The following GUCY2C variants were observed in gnomAD, a reference collection of about 807,000 sequenced individuals.
GUCY2C encodes guanylyl cyclase C.
In GUCY2C, 118 loss-of-function variants were observed where a neutral mutation model predicts 131.1. That is an observed-to-expected ratio of 0.90 (90% CI 0.78 to 1.05). GUCY2C has a LOEUF of 1.05. Ranked by LOEUF, GUCY2C falls within the 50% of genes least tolerant of loss-of-function variation. GUCY2C has a pLI of 0.00. For synonymous variants in GUCY2C, 452 were observed against 457.8 expected (o/e 0.99, Z 0.16); for missense variants, 1,161 against 1,304.4 (o/e 0.89, Z 1.69).
chr12:14,631,480 G>A (rs899563747), intron 19 of GUCY2C, among the ~76,000 whole-genome samples: 11 of 151,654 alleles, frequency 7.3e-5, no homozygotes, highest in Non-Finnish European at 1.2e-4. Context: ...AACATGCGGT[G>A]TTTGGTTTTT....
At chr12:14,667,612 A>T (rs1157684019) in intron 10 of GUCY2C, among the ~76,000 whole-genome samples, 1 of 152,208 alleles carries the variant, frequency 6.6e-6, no homozygotes, top group Non-Finnish European at 1.5e-5. Context: ...TGTTCCCTTT[A>T]TATCAGATCA....
chr12:14,687,848 G>T, intron 2 of GUCY2C, 103 bp downstream of exon 2: 1 of 702,018 alleles, frequency 1.4e-6, no homozygotes, highest in Non-Finnish European at 2.6e-6. Context: ...TATGTGGCTA[G>T]AGATGATGGG....
intron 15 of GUCY2C, among the ~76,000 whole-genome samples, chr12:14,650,505 T>C (rs12308291): frequency 0.99 from 150,602 of 152,304 alleles, 74,475 homozygotes; most frequent in Middle Eastern, 1. Context: ...CTCGGCCTCC[T>C]AAAGTGCTGG....
intron 1 of GUCY2C, among the ~76,000 whole-genome samples, chr12:14,694,954 C>T (rs1199403800): frequency 1.3e-5 from 2 of 152,162 alleles, no homozygotes; most frequent in African/African-American, 4.8e-5. Flanking sequence ...AAATATCCTA[C>T]ATCAGAGAAT....
rs569719610 is a variant in GUCY2C at position 14,642,761 on chromosome 12, A to C, written c.1930+813T>G. On this transcript the variant is annotated intron_variant, in intron 17 of 26. Coordinates refer to ENST00000261170, the MANE Select transcript of GUCY2C (RefSeq NM_004963.4). ...GATTTGTACTACTATGTCATGAACC[A>C]GGCTTGGCACAGGTCTTCAATAAGA... 9.8e-5 allele frequency among the ~76,000 whole-genome samples: 15 copies of C among 152,334 alleles called. No homozygotes were observed. The East Asian group carries it at 1.9e-3, about 20-fold the overall frequency.
chr12:14,686,303 A>G, intron 2 of GUCY2C, 78 bp from the exon 3 acceptor site: 1 of 1,011,244 alleles, frequency 9.9e-7, no homozygotes, highest in Non-Finnish European at 1.5e-6. Context: ...AGCAAGGGGA[A>G]GGCTCCCAGA....
At chr12:14,681,001 T>C (rs1948337242) in intron 5 of GUCY2C, among the ~76,000 whole-genome samples, 1 of 152,116 alleles carries the variant, frequency 6.6e-6, no homozygotes, top group Non-Finnish European at 1.5e-5. Context: ...TGTGTGAAGA[T>C]TGGTCACAAA....
chr12:14,647,540 A>G (rs1947546957), intron 15 of GUCY2C, among the ~76,000 whole-genome samples: 1 of 152,182 alleles, frequency 6.6e-6, no homozygotes, highest in Non-Finnish European at 1.5e-5. Flanking sequence ...GAATGATTTC[A>G]GCTTCCAAAA....
chr12:14,648,524 C>A (rs1194677044), intron 15 of GUCY2C, among the ~76,000 whole-genome samples: 2 of 152,212 alleles, frequency 1.3e-5, no homozygotes, highest in African/African-American at 4.8e-5. Flanking sequence ...ACTGCCTGTC[C>A]AACCTCTGAC....
At chr12:14,655,028 TAAAG>T (rs1645828812) in intron 12 of GUCY2C, among the ~76,000 whole-genome samples, 1 of 152,202 alleles carries the variant, frequency 6.6e-6, no homozygotes, top group Non-Finnish European at 1.5e-5. Context: ...CATGCCCAAA[TAAAG>T]CAAATGCCTA....
chr12:14,696,531 G>A lies in GUCY2C; in HGVS notation c.-83C>T. ...TCCTAGGGAGGCAGGGAATCCAGAT[G>A]GACAGCCTCTAGTGGAGTCCCTCAG... On this transcript the variant is annotated 5_prime_UTR_variant, in exon 1 of 27. Coordinates refer to ENST00000261170, the MANE Select transcript of GUCY2C (RefSeq NM_004963.4). 1 of 1,024,114 alleles carries A rather than the reference G, an allele frequency of 9.8e-7. No individual in the cohort carries two copies. Among genetic ancestry groups the A allele is most frequent in the East Asian group, 2.5e-5 (1 of 40,052 alleles). 63.4% of individuals were successfully genotyped at this position (1,024,114 alleles called of 1,614,324 possible).
chr12:14,665,221 AAAAAAAAAAAAAAAAAGCTAAGG>A (rs1391067482), intron 10 of GUCY2C, among the ~76,000 whole-genome samples: 1 of 151,026 alleles, frequency 6.6e-6, no homozygotes, highest in Admixed American at 6.6e-5. Flanking sequence ...GTCTCAGGAA[AAAAAAAAAAAAAAAAAGCTAAGG>A]AAAGTTGAGA....
At chr12:14,673,994 G>T (rs1481091704) in intron 8 of GUCY2C, among the ~76,000 whole-genome samples, 1 of 152,120 alleles carries the variant, frequency 6.6e-6, no homozygotes, top group African/African-American at 2.4e-5. Context: ...TAAAACAAAG[G>T]TTTCATAGAG....
At chr12:14,637,073 A>G (rs1236464813) in intron 19 of GUCY2C, among the ~76,000 whole-genome samples, 1 of 152,034 alleles carries the variant, frequency 6.6e-6, no homozygotes, top group Non-Finnish European at 1.5e-5. Flanking sequence ...AGCCTGGGCA[A>G]CACAGTGAGA....
intron 22 of GUCY2C, 47 bp from the exon 23 acceptor site, chr12:14,621,263 T>C (rs977614926): frequency 3.3e-6 from 5 of 1,510,174 alleles, no homozygotes; most frequent in South Asian, 2.3e-5. Context: ...TTGAAAAGTA[T>C]AGAAAGTAAA....
intron 2 of GUCY2C, among the ~76,000 whole-genome samples, chr12:14,687,086 G>A (rs1417785267): frequency 1.3e-5 from 2 of 152,132 alleles, no homozygotes; most frequent in Admixed American, 6.6e-5. Flanking sequence ...TGGGGATTAG[G>A]AGGAGGAACT....
At chr12:14,617,600 T>C (rs1317477627) in intron 24 of GUCY2C, among the ~76,000 whole-genome samples, 1 of 152,176 alleles carries the variant, frequency 6.6e-6, no homozygotes, top group Non-Finnish European at 1.5e-5. Context: ...ATTGTTATCC[T>C]TTGACAAAAG....
chr12:14,641,007 G>T, intron 18 of GUCY2C, 75 bp downstream of exon 18: 1 of 1,350,026 alleles, frequency 7.4e-7, no homozygotes, highest in Non-Finnish European at 1.1e-6. Flanking sequence ...GTTACAGACA[G>T]ATTAGGGTCT....
intron 10 of GUCY2C, among the ~76,000 whole-genome samples, chr12:14,664,502 A>G (rs1029550323): frequency 6.6e-6 from 1 of 151,762 alleles, no homozygotes; most frequent in African/African-American, 2.4e-5. Context: ...ATTTATATAT[A>G]GTATTTAAAT....
Sources: gnomAD v4.1 joint callset for allele counts (sites outside exome capture counted in the v4.1 genomes callset) on GRCh38, gnomAD v4.1.1 for gene constraint, MANE v1.5 for transcripts, NCBI Gene and HGNC (gene_info 2026-07-23, HGNC 2026-07-21) for gene names.